Variants in ATP13A5 observed in about 807,000 individuals in gnomAD.
ATP13A5 encodes the protein probable cation-transporting ATPase 13A5.
ATP13A5 carries 149 observed loss-of-function variants against 150.2 expected under a neutral mutation model. The observed-to-expected ratio is 0.99, with a 90% confidence interval of 0.87 to 1.14. The LOEUF is 1.14. Among genes scored for constraint, ATP13A5 ranks in the 50% most tolerant of loss-of-function variants. The pLI is 0.00. For missense variants in ATP13A5, 1,383 were observed against 1,449.3 expected, an observed-to-expected ratio of 0.95 and a Z score of 0.74; for synonymous variants, 497 against 522.2, an observed-to-expected ratio of 0.95 and a Z score of 0.66.
intron 18 of ATP13A5, 64 bp from the exon 19 acceptor site, chr3:193,314,257 GTCTCCCT>G: frequency 6.5e-7 from 1 of 1,547,330 alleles, no homozygotes; most frequent in Non-Finnish European, 8.8e-7. Flanking sequence ...AAGAACTGAG[GTCTCCCT>G]TTTCCACTCT....
intron 17 of ATP13A5, among the ~76,000 whole-genome samples, chr3:193,317,277 T>A (rs1397185971): frequency 6.6e-6 from 1 of 152,220 alleles, no homozygotes; most frequent in Non-Finnish European, 1.5e-5. Context: ...CTGTCTTTTT[T>A]AAAAAGTCCT....
intron 21 of ATP13A5, among the ~76,000 whole-genome samples, chr3:193,307,667 G>A (rs1419450610): frequency 6.6e-6 from 1 of 152,158 alleles, no homozygotes; most frequent in Non-Finnish European, 1.5e-5. Context: ...TACGCACCAA[G>A]GCCAAGCTTA....
intron 8 of ATP13A5, among the ~76,000 whole-genome samples, chr3:193,344,785 G>T (rs1156964766): frequency 6.6e-6 from 1 of 152,136 alleles, no homozygotes; most frequent in Non-Finnish European, 1.5e-5. Flanking sequence ...AATTCAATGA[G>T]GCCCTTGTTC....
intron 16 of ATP13A5, 79 bp from the exon 17 acceptor site, chr3:193,319,187 G>C: frequency 9.9e-7 from 1 of 1,010,794 alleles, no homozygotes; most frequent in Non-Finnish European, 1.5e-6. Context: ...CACAGCCATT[G>C]TACCTTGTCT....
At chr3:193,301,915 G>A (rs1232897345) in intron 23 of ATP13A5, among the ~76,000 whole-genome samples, 1 of 152,152 alleles carries the variant, frequency 6.6e-6, no homozygotes, top group Non-Finnish European at 1.5e-5. Flanking sequence ...CAAGACGACA[G>A]TAAAAAATGC....
intron 9 of ATP13A5, among the ~76,000 whole-genome samples, chr3:193,342,003 C>T (rs970766522): frequency 5.3e-5 from 8 of 152,100 alleles, no homozygotes; most frequent in Non-Finnish European, 1.2e-4. Context: ...TATTTGGGAG[C>T]GAATGCCACC....
At chr3:193,317,479 T>G (rs1482287946) in intron 17 of ATP13A5, among the ~76,000 whole-genome samples, 4 of 152,230 alleles carry the variant, frequency 2.6e-5, no homozygotes, top group Non-Finnish European at 5.9e-5. Context: ...CAATACAGAT[T>G]TGCTAAACTG....
chr3:193,332,194 T>C (rs1458040011), intron 11 of ATP13A5, among the ~76,000 whole-genome samples: 3 of 152,198 alleles, frequency 2.0e-5, no homozygotes, highest in African/African-American at 7.2e-5. Context: ...TGATGGTTTA[T>C]AAATGGGATT....
chr3:193,284,842 G>A lies in ATP13A5; in HGVS notation c.3226+72C>T, dbSNP rs6774767. On this transcript the variant is annotated intron_variant, in intron 27 of 29. Coordinates refer to ENST00000342358, the MANE Select transcript of ATP13A5 (RefSeq NM_198505.4). Reference sequence around the variant, plus strand: ...TTCCTCAGCCCATCATTTCACCAGTGAGGTACAACTCTAGGGTGAGAAAGG... The same window carrying A: ...TTCCTCAGCCCATCATTTCACCAGTAAGGTACAACTCTAGGGTGAGAAAGG... 1,219 of 1,216,938 alleles carry A rather than the reference G, an allele frequency of 1.0e-3. 9 individuals carry two copies. The African/African-American group carries it at 0.016, about 16-fold the overall frequency. The allele number at this position is 1,216,938 out of a possible 1,614,324, so 75.4% of individuals were successfully genotyped here.
chr3:193,290,096 T>C, intron 25 of ATP13A5, 37 bp from the exon 26 acceptor site: 1 of 1,551,546 alleles, frequency 6.4e-7, no homozygotes, highest in East Asian at 2.3e-5. Flanking sequence ...ATTACAATCT[T>C]ATCATTGAGA....
chr3:193,337,942 C>A (rs1385403591), intron 9 of ATP13A5, among the ~76,000 whole-genome samples: 1 of 152,084 alleles, frequency 6.6e-6, no homozygotes, highest in Non-Finnish European at 1.5e-5. Context: ...TGAAGAGGTC[C>A]TTCACATCCC....
intron 9 of ATP13A5, among the ~76,000 whole-genome samples, chr3:193,343,517 A>G (rs1003657950): frequency 6.6e-6 from 1 of 152,200 alleles, no homozygotes; most frequent in Non-Finnish European, 1.5e-5. Context: ...AGGGTTGGAT[A>G]AAACCTCTAT....
At chr3:193,356,295 A>T (rs1712785954) in intron 5 of ATP13A5, among the ~76,000 whole-genome samples, 1 of 151,954 alleles carries the variant, frequency 6.6e-6, no homozygotes, top group African/African-American at 2.4e-5. Context: ...AAAAGACTGT[A>T]TCTTCCACTA....
chr3:193,354,166 C>G lies in ATP13A5; in HGVS notation c.567G>C (p.Glu189Asp). The change falls in exon 6 of 30, where the codon GAG becomes GAC. Residue 189 changes from glutamate (E) to aspartate (D), a missense_variant. Transcript: ENST00000342358. ...GCTTCCATATGGGTTGGATTTCAAC[C>G]TCAATGGCGTTGGGCCCACACACTA... ...RRLVCGPNAIEVEIQPIWKLL... is the reference protein window; with the variant it reads ...RRLVCGPNAIDVEIQPIWKLL... 1 of 1,612,270 alleles carries G rather than the reference C, an allele frequency of 6.2e-7. No individual in the cohort carries two copies. Among genetic ancestry groups the G allele is most frequent in the Non-Finnish European group, 8.5e-7 (1 of 1,179,540 alleles).
intron 17 of ATP13A5, among the ~76,000 whole-genome samples, chr3:193,316,363 T>A (rs531437468): frequency 6.6e-6 from 1 of 152,116 alleles, no homozygotes; most frequent in East Asian, 1.9e-4. Flanking sequence ...CACCTGGTGA[T>A]CCAATGTTTT....
chr3:193,282,529 C>G (rs765631864), intron 27 of ATP13A5, among the ~76,000 whole-genome samples: 1 of 152,080 alleles, frequency 6.6e-6, no homozygotes, highest in African/African-American at 2.4e-5. Context: ...GTGCCCACCA[C>G]CACCCCCAGC....
chr3:193,340,778 A>C (rs1487962672), intron 9 of ATP13A5, among the ~76,000 whole-genome samples: 2 of 152,184 alleles, frequency 1.3e-5, no homozygotes, highest in Non-Finnish European at 2.9e-5. Flanking sequence ...TCTTCATATA[A>C]CTTATAACTG....
At chr3:193,329,255 A>G (rs1711538870) in intron 12 of ATP13A5, among the ~76,000 whole-genome samples, 2 of 152,070 alleles carry the variant, frequency 1.3e-5, no homozygotes, top group Non-Finnish European at 2.9e-5. Flanking sequence ...AAAAAAAAAA[A>G]AAGGTCACAC....
intron 16 of ATP13A5, among the ~76,000 whole-genome samples, chr3:193,321,293 C>T (rs1466782211): frequency 2.6e-5 from 4 of 152,134 alleles, no homozygotes; most frequent in African/African-American, 9.7e-5. Context: ...ACAAGCAGCT[C>T]CACGTTCATT....
Sources: allele counts gnomAD v4.1 joint callset (sites outside exome capture counted in the v4.1 genomes callset), GRCh38; gene constraint gnomAD v4.1.1; transcripts MANE v1.5; gene names NCBI Gene and HGNC (gene_info 2026-07-23, HGNC 2026-07-21).